The following INPP5F variants were observed in gnomAD, a reference collection of about 807,000 sequenced individuals.
INPP5F encodes inositol polyphosphate-5-phosphatase F.
Under a neutral mutation model 137.2 loss-of-function variants are expected in INPP5F, and 97 were observed. The observed-to-expected ratio is 0.71, with a 90% CI of 0.60 to 0.84. The LOEUF (loss-of-function observed/expected upper bound fraction) is 0.84. Among genes scored for constraint, INPP5F ranks in the 40% least tolerant of loss-of-function variants. The pLI is 0.00. For synonymous variants in INPP5F, 504 were observed against 476.9 expected (o/e 1.06, Z -0.74); for missense variants, 1,271 against 1,371.9 (o/e 0.93, Z 1.16).
chr10:119,815,674 A>G, intron 15 of INPP5F: 1 of 293,198 alleles, frequency 3.4e-6, no homozygotes, highest in Admixed American at 3.2e-5. Flanking sequence ...CTCCATCACT[A>G]ACCAGGACAG....
At chr10:119,779,954 A>G (rs1849648972) in intron 2 of INPP5F, among the ~76,000 whole-genome samples, 1 of 152,184 alleles carries the variant, frequency 6.6e-6, no homozygotes, top group African/African-American at 2.4e-5. Context: ...GCAAATATGT[A>G]AACCAGTAAC....
At position 119,808,004 on chromosome 10, in the gene INPP5F, T is replaced by C. The variant is rs1261982576; in HGVS notation, c.1513T>C (p.Trp505Arg). 6.2e-7 allele frequency: 1 copy of C among 1,614,012 alleles called. No individual in the cohort carries two copies. The highest frequency in any genetic ancestry group is 1.7e-5 in the Admixed American group (1 of 59,958). The change falls in exon 13 of 20, where the codon TGG (tryptophan) becomes CGG (arginine). Residue 505 changes from tryptophan (W) to arginine (R), a missense_variant. Around this residue, in one of 6 missense-constraint regions of INPP5F, gnomAD observed 593 missense variants for 712.4 expected, o/e 0.83. Coordinates refer to ENST00000650623, the MANE Select transcript of INPP5F (RefSeq NM_014937.4). ...VKCNRIYQIMWANNGDSISRQ... is the reference protein window; with the variant it reads ...VKCNRIYQIMRANNGDSISRQ... ...ATGTAATCGCATCTACCAGATAATG[T>C]GGGCCAATAATGGTGACTCCATTAG... is the stretch of plus-strand genomic sequence containing the variant.
chr10:119,756,187 A>G (rs908300706), intron 2 of INPP5F, among the ~76,000 whole-genome samples: 8 of 151,888 alleles, frequency 5.3e-5, no homozygotes, highest in African/African-American at 1.2e-4. Context: ...CAAAAATTCA[A>G]TATATGCTGA....
chr10:119,822,415 A>C lies in INPP5F; in HGVS notation c.1959-16A>C, dbSNP rs370235979. 6.5e-6 allele frequency: 9 copies of C among 1,374,740 alleles called. No individual in the cohort carries two copies. The highest frequency in any genetic ancestry group is 2.1e-5 in the Admixed American group (1 of 48,186). The allele number at this position is 1,374,740 out of a possible 1,614,324, so 85.2% of individuals were successfully genotyped here. On this transcript the variant is annotated splice_polypyrimidine_tract_variant and intron_variant, in intron 16 of 19. Coordinates refer to ENST00000650623, the MANE Select transcript of INPP5F (RefSeq NM_014937.4). ...TTGATTTAAATCCTCTTTTAACTTC[A>C]TTTCCTTTTATCTAGTTATGATGAT... is the stretch of plus-strand genomic sequence containing the variant.
chr10:119,780,740 T>C (rs1415243432), intron 2 of INPP5F, among the ~76,000 whole-genome samples: 1 of 152,228 alleles, frequency 6.6e-6, no homozygotes, highest in Non-Finnish European at 1.5e-5. Flanking sequence ...TATAGACTTT[T>C]CTTTCTCATC....
chr10:119,731,870 A>G (rs1268323949), intron 1 of INPP5F, among the ~76,000 whole-genome samples: 2 of 152,066 alleles, frequency 1.3e-5, no homozygotes, highest in Admixed American at 6.5e-5. Context: ...TCCATATTTT[A>G]TATTGCTGAC....
intron 18 of INPP5F, 68 bp downstream of exon 18, chr10:119,823,267 A>T: frequency 4.1e-6 from 6 of 1,458,096 alleles, no homozygotes; most frequent in Non-Finnish European, 5.6e-6. Context: ...CCCAAATGGA[A>T]TTGGGGACAT....
chr10:119,785,844 G>C (rs1849890517), intron 3 of INPP5F, among the ~76,000 whole-genome samples: 1 of 152,152 alleles, frequency 6.6e-6, no homozygotes, highest in South Asian at 2.1e-4. Context: ...AGATGGTGGA[G>C]TGAGACCCTG....
chr10:119,745,732 C>G (rs951886904), intron 1 of INPP5F, among the ~76,000 whole-genome samples: 4 of 128,050 alleles, frequency 3.1e-5, no homozygotes, highest in Non-Finnish European at 4.7e-5. Flanking sequence ...TGAGATGAAG[C>G]CTCACTCTGT....
chr10:119,819,491 A>G (rs774040402), intron 15 of INPP5F: 2 of 1,604,556 alleles, frequency 1.2e-6, no homozygotes, highest in Non-Finnish European at 1.7e-6. Context: ...AAAATGTGTC[A>G]TGACGTAATT....
At chr10:119,754,723 C>T (rs1033979413) in intron 2 of INPP5F, among the ~76,000 whole-genome samples, 4 of 144,924 alleles carry the variant, frequency 2.8e-5, no homozygotes, top group African/African-American at 1.0e-4. Context: ...CTCTCCATGT[C>T]ACTCTGCCCC....
intron 14 of INPP5F, among the ~76,000 whole-genome samples, 180 bp downstream of exon 14, chr10:119,810,397 T>C (rs1850982039): frequency 6.6e-6 from 1 of 152,218 alleles, no homozygotes; most frequent in Non-Finnish European, 1.5e-5. Flanking sequence ...ACAAATATTT[T>C]TGGCTGGAGC....
At chr10:119,798,708 A>C (rs972060192) in intron 9 of INPP5F, 98 bp downstream of exon 9, 9 of 711,080 alleles carry the variant, frequency 1.3e-5, no homozygotes, top group Non-Finnish European at 2.0e-5. Flanking sequence ...TCAAAATTAA[A>C]GCATTTGTCA....
chr10:119,737,346 C>A (rs1353851112), intron 1 of INPP5F, among the ~76,000 whole-genome samples: 1 of 152,188 alleles, frequency 6.6e-6, no homozygotes, highest in African/African-American at 2.4e-5. Context: ...GACCAAGTTA[C>A]TAATACAGGT....
At position 119,781,661 on chromosome 10, in the gene INPP5F, C is replaced by A. The variant is rs757004739; in HGVS notation, c.205C>A (p.Arg69=). The part of the protein sequence containing the change: ...SDLPWWLILI[R]QKALVGKLPG... ...TCTTCCATGGTGGCTTATTCTAATT[C>A]GGCAGAAAGCATTGGTGGGCAAACT... Residue 69 remains arginine (R), a synonymous_variant, in exon 3 of 20, where the codon CGG becomes AGG. Coordinates refer to ENST00000650623, the MANE Select transcript of INPP5F (RefSeq NM_014937.4). 1.9e-6 allele frequency: 3 copies of A among 1,610,704 alleles called. No homozygotes were observed. The highest frequency in any genetic ancestry group is 2.5e-6 in the Non-Finnish European group (3 of 1,178,084).
chr10:119,791,865 A>G lies in INPP5F; in HGVS notation c.445-4A>G. 1 of 1,582,252 alleles carries G rather than the reference A, an allele frequency of 6.3e-7. No individual in the cohort carries two copies. Among genetic ancestry groups the G allele is most frequent in the Non-Finnish European group, 8.6e-7 (1 of 1,162,046 alleles). ...TGTAGTAATAGTAGATTAATTTCTTATAGGTTAAGGAAAGTAAAGAGAAGG... is the reference window on the plus strand; with the variant it reads ...TGTAGTAATAGTAGATTAATTTCTTGTAGGTTAAGGAAAGTAAAGAGAAGG... On this transcript the variant is annotated splice_polypyrimidine_tract_variant and splice_region_variant and intron_variant, in intron 4 of 19. Transcript: ENST00000650623.
At chr10:119,744,703 C>T (rs974784283) in intron 1 of INPP5F, among the ~76,000 whole-genome samples, 2 of 152,088 alleles carry the variant, frequency 1.3e-5, no homozygotes, top group Admixed American at 6.5e-5. Flanking sequence ...AGGTGCGTGC[C>T]GCCACACCTG....
intron 2 of INPP5F, among the ~76,000 whole-genome samples, chr10:119,780,556 G>T (rs2034795138): frequency 6.6e-6 from 1 of 152,158 alleles, no homozygotes. Flanking sequence ...TAGCCTGGGT[G>T]ACAGAGTGAG....
At chr10:119,795,871 C>T (rs556057304) in intron 6 of INPP5F, among the ~76,000 whole-genome samples, 1 of 152,340 alleles carries the variant, frequency 6.6e-6, no homozygotes, top group East Asian at 1.9e-4. Context: ...CGGTTAGGAG[C>T]TGGAGACCAG....
Sources: allele counts gnomAD v4.1 joint callset (sites outside exome capture counted in the v4.1 genomes callset), GRCh38; gene constraint gnomAD v4.1.1; regional missense constraint gnomAD v4.1.1; transcripts MANE v1.5; gene names NCBI Gene and HGNC (gene_info 2026-07-23, HGNC 2026-07-21).